PIGG: variants seen among roughly 807,000 people sequenced by gnomAD.
PIGG encodes the protein GPI ethanolamine phosphate transferase 2, catalytic subunit.
PIGG carries 70 observed loss-of-function variants against 83.2 expected under a neutral mutation model. That is an observed-to-expected ratio of 0.84 (90% CI 0.69 to 1.03). The LOEUF (loss-of-function observed/expected upper bound fraction) is 1.03, where lower values mean the gene tolerates loss of function less well. Ranked by LOEUF, PIGG falls within the 50% of genes least tolerant of loss-of-function variation. PIGG has a pLI of 0.00. For missense variants in PIGG, 1,257 were observed against 1,233.6 expected (o/e 1.02, Z -0.28); for synonymous variants, 532 against 519.5 (o/e 1.02, Z -0.33).
At position 523,484 on chromosome 4, in the gene PIGG, G is replaced by A. The variant is rs547951371; in HGVS notation, c.1640G>A (p.Trp547Ter). The change falls in exon 9 of 13, where the codon TGG becomes TAG. Residue 547 changes from tryptophan (W) to a stop codon, truncating the protein, a stop_gained. Transcript: ENST00000453061. LOFTEE classifies it high-confidence loss of function. ...RKNPMHPSSR[W>*]SELDLLILLG... ...AACCCCATGCATCCCAGCTCAAGGT[G>A]GTCAGAGCTAGACCTTCTTATTCTG... is the stretch of plus-strand genomic sequence containing the variant. The A allele has an allele frequency of 7.4e-6, 12 of 1,611,702 alleles. No individual in the cohort carries two copies. The highest frequency in any genetic ancestry group is 9.3e-6 in the Non-Finnish European group (11 of 1,178,268).
chr4:535,059 G>C (rs984496938), intron 12 of PIGG, among the ~76,000 whole-genome samples: 6 of 152,252 alleles, frequency 3.9e-5, no homozygotes, highest in Admixed American at 2.0e-4. Context: ...AAGAAAGGAG[G>C]CTTTGTGAGG....
intron 10 of PIGG, among the ~76,000 whole-genome samples, chr4:529,655 A>G (rs1728542821): frequency 6.6e-6 from 1 of 152,218 alleles, no homozygotes; most frequent in African/African-American, 2.4e-5. Context: ...TGGTAATTGT[A>G]TCCTTTACAG....
intron 12 of PIGG, among the ~76,000 whole-genome samples, chr4:535,414 T>G (rs557300764): frequency 5.8e-4 from 89 of 152,314 alleles, no homozygotes; most frequent in African/African-American, 2.1e-3. Flanking sequence ...CTGCGTGTGC[T>G]GAAACCGCGC....
intron 8 of PIGG, 25 bp from the exon 9 acceptor site, chr4:523,434 A>G: frequency 6.5e-7 from 1 of 1,537,268 alleles, no homozygotes; most frequent in Admixed American, 1.7e-5. Flanking sequence ...ACCGTCTCTT[A>G]CAAAGTGCAC....
chr4:501,979 TCA>T (rs1257874881), intron 2 of PIGG: 2 of 152,194 alleles, frequency 1.3e-5, no homozygotes, highest in African/African-American at 2.4e-5. Context: ...AACACAGCAC[TCA>T]GAGTTTTTGC....
chr4:535,676 C>A (rs1269897520), intron 12 of PIGG, among the ~76,000 whole-genome samples: 4 of 152,318 alleles, frequency 2.6e-5, no homozygotes, highest in African/African-American at 9.6e-5. Context: ...GCTGAGCCCC[C>A]GTGCCAGCCC....
intron 2 of PIGG, chr4:501,953 A>G (rs1553876120): frequency 6.6e-6 from 1 of 152,248 alleles, no homozygotes; most frequent in African/African-American, 2.4e-5. Flanking sequence ...GGAGAGGGGC[A>G]TGCCCGGCAC....
chr4:521,745 C>T lies in PIGG; in HGVS notation c.1418C>T (p.Ser473Phe), dbSNP rs151167716. Residue 473 changes from serine to phenylalanine, a missense_variant, in exon 8 of 13, where the codon TCT becomes TTT. Transcript: ENST00000453061. ...LEVPLSSPGF[S>F]LLFYLVILVL... ...GTCCCACTGTCATCTCCTGGGTTTTCTCTGCTCTTTTATTTGGTGATCCTG... is the reference window on the plus strand; with the variant it reads ...GTCCCACTGTCATCTCCTGGGTTTTTTCTGCTCTTTTATTTGGTGATCCTG... 4.2e-5 allele frequency: 67 copies of T among 1,614,086 alleles called. No homozygotes were observed. The highest frequency in any genetic ancestry group is 5.4e-5 in the Non-Finnish European group (64 of 1,180,034).
chr4:499,619 C>T (rs913352863), intron 1 of PIGG, 130 bp downstream of exon 1: 1 of 1,421,900 alleles, frequency 7.0e-7, no homozygotes, highest in Non-Finnish European at 9.1e-7. Context: ...GTCCCCACCT[C>T]AGAAATTTTT....
rs181880525 is a variant in PIGG at position 512,430 on chromosome 4, C to T, written c.901+3460C>T. On this transcript the variant is annotated intron_variant, in intron 5 of 12. Coordinates refer to ENST00000453061, the MANE Select transcript of PIGG (RefSeq NM_001127178.3). Reference sequence around the variant, plus strand: ...CAGGGTTTCACATTATTGGCCAGGCCGATCTCAAACTCCTGACCTTGTGAT... The same window carrying T: ...CAGGGTTTCACATTATTGGCCAGGCTGATCTCAAACTCCTGACCTTGTGAT... 2.2e-3 allele frequency among the ~76,000 whole-genome samples: 341 copies of T among 151,738 alleles called. 2 individuals carry two copies. Among genetic ancestry groups the T allele is most frequent in the African/African-American group, 6.9e-3 (284 of 41,408 alleles).
intron 6 of PIGG, 21 bp downstream of exon 6, chr4:516,206 G>C (rs778821015): frequency 3.2e-6 from 5 of 1,552,992 alleles, no homozygotes; most frequent in Non-Finnish European, 4.4e-6. Flanking sequence ...TCACCGTTTC[G>C]AGCTCTGTCA....
Position 539,657 on chromosome 4 carries a change from C to G in PIGG, c.*288C>G. ...AATCAATGAATGAAAAGGTTCTGGA[C>G]TTTGTTAGAGTCCAGGAGCTCTGTG... On this transcript the variant is annotated 3_prime_UTR_variant, in exon 13 of 13. Transcript: ENST00000453061. The G allele has an allele frequency of 6.6e-6, 2 of 303,792 alleles. No homozygotes were observed. The highest frequency in any genetic ancestry group is 1.0e-3 in the Middle Eastern group (1 of 978). The allele number at this position is 303,792 out of a possible 1,614,324, so 18.8% of individuals were successfully genotyped here.
In PIGG at chr4:528,811, T is replaced by A. The variant is rs1728334437; in HGVS notation, c.2261+1581T>A. On this transcript the variant is annotated intron_variant, in intron 10 of 12. Coordinates refer to ENST00000453061, the MANE Select transcript of PIGG (RefSeq NM_001127178.3). The surrounding 1 kb of genome is among the most constrained non-coding windows in gnomAD (Gnocchi z 4.8). Reference sequence around the variant, plus strand: ...CTTCCTGCAGCATGTAATTTGCTAGTGTCCAGAACTAGCCAGTGTGCCTTT... The same window carrying A: ...CTTCCTGCAGCATGTAATTTGCTAGAGTCCAGAACTAGCCAGTGTGCCTTT... The A allele has an allele frequency of 3.9e-6, 3 of 770,014 alleles. No homozygotes were observed. The highest frequency in any genetic ancestry group is 4.7e-6 in the Non-Finnish European group (3 of 633,492). The allele number at this position is 770,014 out of a possible 1,614,324, so 47.7% of individuals were successfully genotyped here.
At chr4:531,720 G>A (rs1389613574) in intron 11 of PIGG, 1 of 152,402 alleles carries the variant, frequency 6.6e-6, no homozygotes, top group Non-Finnish European at 1.5e-5. Context: ...GGTGGCCAAT[G>A]GCCAGCTTCT....
rs769065983 is a variant in PIGG at position 527,111 on chromosome 4, G to C, written c.2142G>C (p.Arg714Ser). ...SLLVVFVLVQ[R>S]GCSPVSKAAL... ...TCGTAGTTTTTGTGCTGGTGCAGAG[G>C]GGGTGCTCCCCTGTGTCCAAGGCTG... Residue 714 changes from arginine to serine, a missense_variant, in exon 10 of 13, where the codon AGG (arginine) becomes AGC (serine). Transcript: ENST00000453061. 12 of 1,614,038 alleles carry C rather than the reference G, an allele frequency of 7.4e-6. No individual in the cohort carries two copies. In the African/African-American group the frequency reaches 1.3e-4, roughly 18 times the overall value.
Position 539,513 on chromosome 4 carries a change from A to C in PIGG, c.*144A>C. The C allele has an allele frequency of 1.6e-6, 1 of 609,146 alleles. No individual in the cohort carries two copies. Among genetic ancestry groups the C allele is most frequent in the Non-Finnish European group, 2.9e-6 (1 of 343,928 alleles). The allele number at this position is 609,146 out of a possible 1,614,324, so 37.7% of individuals were successfully genotyped here. A position where few individuals can be genotyped will look rare whatever the true frequency, so the allele number is the denominator to read the frequency against. On this transcript the variant is annotated 3_prime_UTR_variant, in exon 13 of 13. Transcript: ENST00000453061. ...GACTAAGCAGTAAATAGTTTAATAA[A>C]AGATCACTTTAATATACAGTTTGTA...
Position 527,115 on chromosome 4 carries a change from T to A in PIGG, c.2146T>A (p.Cys716Ser). Residue 716 changes from cysteine to serine, a missense_variant, in exon 10 of 13, where the codon TGC (cysteine) becomes AGC (serine). Physicochemically the swap from Cys to Ser is moderately radical, Grantham distance 112 (BLOSUM62 -1). Coordinates refer to ENST00000453061, the MANE Select transcript of PIGG (RefSeq NM_001127178.3). ...AGTTTTTGTGCTGGTGCAGAGGGGG[T>A]GCTCCCCTGTGTCCAAGGCTGCCCT... ...LVVFVLVQRG[C>S]SPVSKAALAL... The A allele has an allele frequency of 6.2e-7, 1 of 1,614,092 alleles. No homozygotes were observed. Among genetic ancestry groups the A allele is most frequent in the Non-Finnish European group, 8.5e-7 (1 of 1,180,018 alleles).
At chr4:538,211 G>C (rs188033829) in intron 12 of PIGG, among the ~76,000 whole-genome samples, 1 of 152,232 alleles carries the variant, frequency 6.6e-6, no homozygotes, top group East Asian at 1.9e-4. Flanking sequence ...GGTCATGGAT[G>C]AGGCATGGAA....
rs541028133 is a variant in PIGG at position 513,921 on chromosome 4, G to T, written c.902-2052G>T. Among the ~76,000 whole-genome samples the T allele has an allele frequency of 3.3e-5, 5 of 152,306 alleles. No homozygotes were observed. The South Asian group carries it at 1.0e-3, about 32-fold the overall frequency. The stretch of plus-strand genomic sequence containing the variant: ...ATCTGGGGACTTGGTGACAAAGGTG[G>T]CATCTCAGATTAGTGCAGAGAAGAC... On this transcript the variant is annotated intron_variant, in intron 5 of 12. Transcript: ENST00000453061.
Sources: gnomAD v4.1 joint callset for allele counts (sites outside exome capture counted in the v4.1 genomes callset) on GRCh38, gnomAD v4.1.1 for gene constraint, Gnocchi (gnomAD v3.1) non-coding constraint, MANE v1.5 for transcripts, NCBI Gene and HGNC (gene_info 2026-07-23, HGNC 2026-07-21) for gene names.